Variants in ACOX3 observed in about 807,000 individuals in gnomAD.
The protein encoded by ACOX3 is peroxisomal acyl-coenzyme A oxidase 3.
ACOX3 carries 73 observed loss-of-function variants against 81.5 expected under a neutral mutation model. The observed-to-expected ratio is 0.90, with a 90% confidence interval of 0.74 to 1.09. ACOX3 has a LOEUF of 1.09. Among genes scored for constraint, ACOX3 ranks in the 50% least tolerant of loss-of-function variants. The pLI, the probability that ACOX3 is intolerant of heterozygous loss-of-function variation, is 0.00. For synonymous variants in ACOX3, 387 were observed against 375.1 expected (o/e 1.03, Z -0.37); for missense variants, 947 against 928.0 (o/e 1.02, Z -0.27).
intron 13 of ACOX3, among the ~76,000 whole-genome samples, chr4:8,388,119 G>T (rs930896357): frequency 6.6e-6 from 1 of 152,172 alleles, no homozygotes; most frequent in African/African-American, 2.4e-5. Flanking sequence ...TGCTGCCTCC[G>T]CCTCCTGACA....
At chr4:8,390,475 G>A (rs1217705877) in intron 11 of ACOX3, among the ~76,000 whole-genome samples, 1 of 152,224 alleles carries the variant, frequency 6.6e-6, no homozygotes, top group African/African-American at 2.4e-5. Flanking sequence ...GTTGCTGATA[G>A]GAGGGAGCCA....
rs1721044819 is a variant in ACOX3 at position 8,406,927 on chromosome 4, A to G, written c.688-884T>C. Among the ~76,000 whole-genome samples, 2 of 152,242 alleles carry G rather than the reference A, an allele frequency of 1.3e-5. No homozygotes were observed. The highest frequency in any genetic ancestry group is 4.8e-5 in the African/African-American group (2 of 41,548). ...GCCTGACAAATGTCAGGCCCTCTACAAGAGGTGGAGGAGTAGAGTCTTCTC... is the reference window on the plus strand; with the variant it reads ...GCCTGACAAATGTCAGGCCCTCTACGAGAGGTGGAGGAGTAGAGTCTTCTC... On this transcript the variant is annotated intron_variant, in intron 6 of 17. Coordinates refer to ENST00000356406, the MANE Select transcript of ACOX3 (RefSeq NM_003501.3). The surrounding 1 kb of genome is among the most constrained non-coding windows in gnomAD (Gnocchi z 5.6).
At position 8,399,683 on chromosome 4, in the gene ACOX3, CAGGGGTCCTGCCCTG is replaced by C. The variant is rs757220297; in HGVS notation, c.777-46_777-32del. The C allele has an allele frequency of 6.3e-7, 1 of 1,590,464 alleles. No homozygotes were observed. The highest frequency in any genetic ancestry group is 2.2e-5 in the East Asian group (1 of 44,756). On this transcript the variant is annotated intron_variant, in intron 7 of 17. Coordinates refer to ENST00000356406, the MANE Select transcript of ACOX3 (RefSeq NM_003501.3). The surrounding 1 kb of genome is among the most constrained non-coding windows in gnomAD (Gnocchi z 4.9). ...GGGAAGCAGCAGGGCTTCTGTTAAA[CAGGGGTCCTGCCCTG>C]AGGCTCTTCTCTTCTCCAAGGGCAG...
chr4:8,428,718 C>T (rs1000216088), intron 1 of ACOX3, among the ~76,000 whole-genome samples: 1 of 152,264 alleles, frequency 6.6e-6, no homozygotes, highest in Admixed American at 6.5e-5. Context: ...CACCGCGGCC[C>T]TTCTTGGGGC....
intron 14 of ACOX3, among the ~76,000 whole-genome samples, chr4:8,376,432 C>T (rs1194876908): frequency 1.3e-5 from 2 of 152,106 alleles, no homozygotes; most frequent in African/African-American, 2.4e-5. Context: ...CATGCCTGGC[C>T]TATGACGCTG....
In ACOX3 at chr4:8,430,975, C is replaced by G. The variant is rs1175816219; in HGVS notation, c.-15+9673G>C. 6.6e-6 allele frequency among the ~76,000 whole-genome samples: 1 copy of G among 152,136 alleles called. No homozygotes were observed. The highest frequency in any genetic ancestry group is 1.5e-5 in the Non-Finnish European group (1 of 68,022). The stretch of plus-strand genomic sequence containing the variant: ...TGGAAGGCAGGCTAAAGGGGAAGAG[C>G]TCAGGGCATCTGGTGGCCAGTACAG... On this transcript the variant is annotated intron_variant, in intron 1 of 17. Coordinates refer to ENST00000356406, the MANE Select transcript of ACOX3 (RefSeq NM_003501.3). This position sits in a 1 kb window ranked among gnomAD's most constrained non-coding sequence, Gnocchi z 5.2.
chr4:8,390,617 T>G (rs570318487), intron 11 of ACOX3, among the ~76,000 whole-genome samples: 2 of 152,356 alleles, frequency 1.3e-5, no homozygotes, highest in Admixed American at 6.5e-5. Context: ...CCTTCACATA[T>G]GTTGTCAGGC....
chr4:8,361,425 CAAAAAAAAAAAAAAAAAA>C (rs56251372), downstream of ACOX3, among the ~76,000 whole-genome samples: 4 of 39,028 alleles, frequency 1.0e-4, no homozygotes, highest in African/African-American at 1.2e-4. Flanking sequence ...GACTCTATCT[CAAAAAAAAAAAAAAAAAA>C]AAAAAAAAAA....
chr4:8,406,018 G>C lies in ACOX3; in HGVS notation c.713C>G (p.Pro238Arg). 6.2e-7 allele frequency: 1 copy of C among 1,614,128 alleles called. No individual in the cohort carries two copies. Among genetic ancestry groups the C allele is most frequent in the Non-Finnish European group, 8.5e-7 (1 of 1,180,038 alleles). ...VQIRDPKTLL[P>R]MPGVMVGDIG... ...GTCGCCAACCATCACTCCAGGCATG[G>C]GAAGAAGGGTCTTCGGGTCCCGGAT... Residue 238 changes from proline to arginine, a missense_variant, in exon 7 of 18, where the codon CCC (proline) becomes CGC (arginine). Coordinates refer to ENST00000356406, the MANE Select transcript of ACOX3 (RefSeq NM_003501.3). The surrounding 1 kb of genome is among the most constrained non-coding windows in gnomAD (Gnocchi z 5.6).
chr4:8,377,188 C>G (rs1717075095), intron 14 of ACOX3, among the ~76,000 whole-genome samples: 1 of 152,192 alleles, frequency 6.6e-6, no homozygotes, highest in Non-Finnish European at 1.5e-5. Context: ...AGAGATGAGG[C>G]CAATCCCAGC....
Position 8,374,960 on chromosome 4 carries a change from C to G in ACOX3, c.1828+18G>C. On this transcript the variant is annotated intron_variant, in intron 15 of 17. Coordinates refer to ENST00000356406, the MANE Select transcript of ACOX3 (RefSeq NM_003501.3). ...CTGACTCTGGGGAGGACAGCAAGCC[C>G]GCAGTCAGAAGCCTCACCTCGGTAG... 1 of 1,489,506 alleles carries G rather than the reference C, an allele frequency of 6.7e-7. No individual in the cohort carries two copies. Among genetic ancestry groups the G allele is most frequent in the Admixed American group, 2.4e-5 (1 of 42,416 alleles). 92.3% of individuals were successfully genotyped at this position (1,489,506 alleles called of 1,614,324 possible). A position where few individuals can be genotyped will look rare whatever the true frequency, so the allele number is the denominator to read the frequency against.
chr4:8,390,603 G>C (rs565020401), intron 11 of ACOX3, among the ~76,000 whole-genome samples: 54 of 152,326 alleles, frequency 3.5e-4, no homozygotes, highest in Non-Finnish European at 5.9e-4. Context: ...CAGTTAGCTG[G>C]ATGCCTTCAC....
In ACOX3 at chr4:8,435,173, G is replaced by T. The variant is rs1441674263; in HGVS notation, c.-15+5475C>A. On this transcript the variant is annotated intron_variant, in intron 1 of 17. Coordinates refer to ENST00000356406, the MANE Select transcript of ACOX3 (RefSeq NM_003501.3). The stretch of plus-strand genomic sequence containing the variant: ...GATTACAGAGGTTAAGCCCCCAGAG[G>T]TTAAGAACTCTATGTGAATTAGAAT... Among the ~76,000 whole-genome samples the T allele has an allele frequency of 2.0e-5, 3 of 152,336 alleles. No individual in the cohort carries two copies. The East Asian group carries it at 5.8e-4, about 29-fold the overall frequency.
chr4:8,395,556 C>T (rs574653985), intron 9 of ACOX3, among the ~76,000 whole-genome samples: 2 of 152,256 alleles, frequency 1.3e-5, no homozygotes, highest in African/African-American at 4.8e-5. Flanking sequence ...AATCCTCACA[C>T]TGATCCTAGG....
chr4:8,398,591 C>G lies in ACOX3; in HGVS notation c.873+965G>C, dbSNP rs138203771. Among the ~76,000 whole-genome samples the G allele has an allele frequency of 6.8e-4, 103 of 152,248 alleles. 1 individual carries two copies. Among genetic ancestry groups the G allele is most frequent in the African/African-American group, 2.4e-3 (100 of 41,544 alleles). On this transcript the variant is annotated intron_variant, in intron 8 of 17. Coordinates refer to ENST00000356406, the MANE Select transcript of ACOX3 (RefSeq NM_003501.3). Reference sequence around the variant, plus strand: ...GACTTCCTGGGCTCTAGTGATCCTCCCACCTCCCACCAAGTAACGGACCAC... The same window carrying G: ...GACTTCCTGGGCTCTAGTGATCCTCGCACCTCCCACCAAGTAACGGACCAC...
At position 8,385,510 on chromosome 4, in the gene ACOX3, G is replaced by A. The variant is rs1371108751; in HGVS notation, c.1537+3663C>T. Among the ~76,000 whole-genome samples the A allele has an allele frequency of 1.3e-5, 2 of 152,208 alleles. No individual in the cohort carries two copies. The highest frequency in any genetic ancestry group is 4.8e-5 in the African/African-American group (2 of 41,448). ...AACTGCTTACTATGAATGCATACGA[G>A]CCAGCTAAACAACAGGGCCCACTGC... is the stretch of plus-strand genomic sequence containing the variant. On this transcript the variant is annotated intron_variant, in intron 13 of 17. Transcript: ENST00000356406. This position sits in a 1 kb window ranked among gnomAD's most constrained non-coding sequence, Gnocchi z 5.5.
intron 16 of ACOX3, among the ~76,000 whole-genome samples, chr4:8,371,673 G>A (rs1716216215): frequency 6.6e-6 from 1 of 152,274 alleles, no homozygotes; most frequent in Non-Finnish European, 1.5e-5. Flanking sequence ...TGGAGGAACT[G>A]AGTGCACCTC....
chr4:8,380,580 A>C (rs3775896), intron 14 of ACOX3, among the ~76,000 whole-genome samples: 40,331 of 152,040 alleles, frequency 0.27, 7,973 homozygotes, highest in African/African-American at 0.57. Context: ...TTCCTAGAGG[A>C]GCTGGCCTGA....
Position 8,389,517 on chromosome 4 carries a change from G to T in ACOX3, c.1423+95C>A. 6.4e-7 allele frequency: 1 copy of T among 1,558,666 alleles called. No individual in the cohort carries two copies. The highest frequency in any genetic ancestry group is 8.8e-7 in the Non-Finnish European group (1 of 1,139,786). ...TTCTTTCCTTCTGCAAACCTAGGAT[G>T]CATTCACAGAACAGCTGAATCAGTG... On this transcript the variant is annotated intron_variant, in intron 12 of 17. Coordinates refer to ENST00000356406, the MANE Select transcript of ACOX3 (RefSeq NM_003501.3). The surrounding 1 kb of genome is among the most constrained non-coding windows in gnomAD (Gnocchi z 5.3).
Sources: gnomAD v4.1 joint callset for allele counts (sites outside exome capture counted in the v4.1 genomes callset) on GRCh38, gnomAD v4.1.1 for gene constraint, Gnocchi (gnomAD v3.1) non-coding constraint, MANE v1.5 for transcripts, NCBI Gene and HGNC (gene_info 2026-07-23, HGNC 2026-07-21) for gene names.